The following DNAH14 variants were observed in gnomAD, a reference collection of about 807,000 sequenced individuals.
DNAH14 encodes dynein axonemal heavy chain 14, also known as axonemal beta dynein heavy chain 14.
In DNAH14, 478 loss-of-function variants were observed where a neutral mutation model predicts 520.9. The observed-to-expected ratio is 0.92, with a 90% CI of 0.85 to 0.99. The LOEUF (loss-of-function observed/expected upper bound fraction) is 0.99, where lower values mean the gene tolerates loss of function less well. Ranked by LOEUF, DNAH14 falls within the 50% of genes least tolerant of loss-of-function variation. The pLI, the probability that DNAH14 is intolerant of heterozygous loss-of-function variation, is 0.00. For synonymous variants in DNAH14, 1,581 were observed against 1,757.2 expected (o/e 0.90, Z 2.51); for missense variants, 4,831 against 5,234.5 (o/e 0.92, Z 2.38).
chr1:225,065,409 A>T (rs2070746599), intron 17 of DNAH14, among the ~76,000 whole-genome samples: 1 of 151,566 alleles, frequency 6.6e-6, no homozygotes, highest in Admixed American at 6.6e-5. Flanking sequence ...ACTATTATTA[A>T]ATATATTCAC....
rs2072835145 is a variant in DNAH14, at chr1:225,079,485, C to T, written c.2703C>T (p.Phe901=). The change falls in exon 18 of 86, where the codon TTC becomes TTT. Residue 901 remains phenylalanine (F), a synonymous_variant. Coordinates refer to ENST00000682510, the MANE Select transcript of DNAH14 (RefSeq NM_001367479.1). ...KINKDTAITK[F]RDNLEACISG... ...ATAAAGACACTGCTATAACTAAATT[C>T]AGAGATAACTTGGAAGCATGTATCA... 1 of 1,541,560 alleles carries T rather than the reference C, an allele frequency of 6.5e-7. No homozygotes were observed. Among genetic ancestry groups the T allele is most frequent in the Non-Finnish European group, 8.7e-7 (1 of 1,144,860 alleles).
Position 225,392,393 on chromosome 1 carries a change from A to G in DNAH14, c.13433A>G (p.Asp4478Gly), listed in dbSNP as rs1404193014. ...GTGATTTCCAACACCACTGACAAGG[A>G]TGAGAAGTTCTCCGTATTTATGCCA... ...HHVISNTTDK[D>G]EKFSVFMPKK... Residue 4478 changes from aspartate (D) to glycine (G), a missense_variant, in exon 84 of 86, where the codon GAT becomes GGT. Asp to Gly is a moderately conservative substitution (Grantham distance 94, BLOSUM62 -1). Transcript: ENST00000682510. 6.4e-7 allele frequency: 1 copy of G among 1,552,178 alleles called. No homozygotes were observed. The highest frequency in any genetic ancestry group is 1.2e-5 in the South Asian group (1 of 84,062).
intron 69 of DNAH14, among the ~76,000 whole-genome samples, chr1:225,344,642 AG>A (rs1400548123): frequency 6.6e-6 from 1 of 152,070 alleles, no homozygotes; most frequent in Non-Finnish European, 1.5e-5. Context: ...ATGGGCATTT[AG>A]GTTGATTACA....
At chr1:225,064,128 G>C (rs2070551279) in intron 17 of DNAH14, among the ~76,000 whole-genome samples, 1 of 151,968 alleles carries the variant, frequency 6.6e-6, no homozygotes, top group South Asian at 2.1e-4. Flanking sequence ...AGTGGGCAAA[G>C]TATTTGATCA....
chr1:224,973,644 G>T (rs1314737580), intron 7 of DNAH14, among the ~76,000 whole-genome samples: 3 of 152,006 alleles, frequency 2.0e-5, no homozygotes, highest in African/African-American at 4.8e-5. Context: ...TTTTACATAA[G>T]TATTATATAA....
At chr1:225,263,777 G>A (rs979290580) in intron 46 of DNAH14, among the ~76,000 whole-genome samples, 6 of 152,198 alleles carry the variant, frequency 3.9e-5, no homozygotes, top group Admixed American at 3.3e-4. Flanking sequence ...TATTTAAGCT[G>A]AAGTGAGTTT....
At position 225,311,077 on chromosome 1, in the gene DNAH14, G is replaced by A. The variant is rs148860031; in HGVS notation, c.9240+2667G>A. Among the ~76,000 whole-genome samples the A allele has an allele frequency of 3.2e-3, 485 of 152,252 alleles. 2 individuals are homozygous for A. Among genetic ancestry groups the A allele is most frequent in the African/African-American group, 0.011 (438 of 41,558 alleles). The stretch of plus-strand genomic sequence containing the variant: ...GCACTCCCACCAACAGGGTAAAAGC[G>A]TTCCTGTTTCTCCACATCCTCTCCA... On this transcript the variant is annotated intron_variant, in intron 60 of 85. Coordinates refer to ENST00000682510, the MANE Select transcript of DNAH14 (RefSeq NM_001367479.1).
At chr1:225,233,160 G>A (rs993851689) in intron 42 of DNAH14, among the ~76,000 whole-genome samples, 1 of 152,150 alleles carries the variant, frequency 6.6e-6, no homozygotes, top group Non-Finnish European at 1.5e-5. Flanking sequence ...TGGCTGCATA[G>A]TATTCCATGG....
intron 37 of DNAH14, among the ~76,000 whole-genome samples, chr1:225,192,255 T>A (rs193298683): frequency 6.6e-6 from 1 of 152,140 alleles, no homozygotes; most frequent in Non-Finnish European, 1.5e-5. Flanking sequence ...TTTTTCTGCC[T>A]GACATCTGAG....
At chr1:225,148,126 T>C (rs370123814) in intron 31 of DNAH14, among the ~76,000 whole-genome samples, 9 of 152,268 alleles carry the variant, frequency 5.9e-5, no homozygotes, top group African/African-American at 2.2e-4. Flanking sequence ...ATAGAACAAT[T>C]TGTATTCCTT....
intron 36 of DNAH14, among the ~76,000 whole-genome samples, chr1:225,184,746 T>TA (rs909186033): frequency 1.7e-4 from 25 of 148,558 alleles, no homozygotes; most frequent in East Asian, 5.9e-4. Flanking sequence ...GAACATATCT[T>TA]AAAAAAAAGA....
At chr1:225,334,814 A>T (rs2094878506) in intron 66 of DNAH14, among the ~76,000 whole-genome samples, 1 of 151,544 alleles carries the variant, frequency 6.6e-6, no homozygotes, top group African/African-American at 2.4e-5. Flanking sequence ...GGCTGCAGTG[A>T]GGTGTCATCA....
At chr1:224,947,101 A>G (rs1314335211) in intron 1 of DNAH14, among the ~76,000 whole-genome samples, 2 of 151,766 alleles carry the variant, frequency 1.3e-5, no homozygotes, top group Non-Finnish European at 2.9e-5. Context: ...TATTTTGAGT[A>G]GAGACGGGGT....
intron 46 of DNAH14, among the ~76,000 whole-genome samples, chr1:225,262,809 A>G (rs2092980354): frequency 6.6e-6 from 1 of 151,894 alleles, no homozygotes; most frequent in South Asian, 2.1e-4. Context: ...TTTGCTTAGG[A>G]TTGCTTTGGC....
chr1:225,296,445 G>C (rs1337138841), intron 55 of DNAH14, among the ~76,000 whole-genome samples: 3 of 150,128 alleles, frequency 2.0e-5, no homozygotes, highest in African/African-American at 7.3e-5. Flanking sequence ...ATCTCATTTT[G>C]TTGATTGTTT....
intron 84 of DNAH14, chr1:225,396,235 CTGTT>C (rs2096009335): frequency 6.6e-6 from 1 of 152,112 alleles, no homozygotes; most frequent in African/African-American, 2.4e-5. Flanking sequence ...GTTTATCCAA[CTGTT>C]TATTTAAAAT....
intron 41 of DNAH14, among the ~76,000 whole-genome samples, chr1:225,228,642 A>G (rs1011769507): frequency 9.9e-5 from 15 of 151,962 alleles, no homozygotes. Context: ...AAAGAATGAT[A>G]CTGATTATAC....
intron 41 of DNAH14, 119 bp downstream of exon 41, chr1:225,207,339 A>G (rs2087716968): frequency 9.5e-7 from 1 of 1,057,802 alleles, no homozygotes; most frequent in African/African-American, 1.7e-5. Flanking sequence ...GTCTATTTGG[A>G]CCAACAGCAG....
chr1:225,342,826 G>A (rs1392359365), intron 69 of DNAH14, among the ~76,000 whole-genome samples: 1 of 151,936 alleles, frequency 6.6e-6, no homozygotes, highest in East Asian at 1.9e-4. Context: ...TTTTGGGGCG[G>A]GGATGCCATG....
Sources: gnomAD v4.1 joint callset for allele counts (sites outside exome capture counted in the v4.1 genomes callset) on GRCh38, gnomAD v4.1.1 for gene constraint, MANE v1.5 for transcripts, NCBI Gene and HGNC (gene_info 2026-07-23, HGNC 2026-07-21) for gene names.